SYNE3: variants seen among roughly 807,000 people sequenced by gnomAD.
The protein encoded by SYNE3 is nesprin-3.
A neutral mutation model predicts 111.2 loss-of-function variants in SYNE3; 100 were observed. That is an observed-to-expected ratio of 0.90 (90% confidence interval 0.77 to 1.06). The LOEUF (loss-of-function observed/expected upper bound fraction) is 1.06, where lower values mean the gene tolerates loss of function less well. SYNE3 is among the 50% of genes least tolerant of loss of function. The pLI is 0.00. For synonymous variants in SYNE3, 547 were observed against 533.9 expected (o/e 1.02, Z -0.34); for missense variants, 1,160 against 1,240.3 (o/e 0.94, Z 0.97).
intron 15 of SYNE3, 121 bp from the exon 16 acceptor site, chr14:95,433,530 A>G: frequency 1.4e-6 from 2 of 1,381,860 alleles, no homozygotes; most frequent in South Asian, 2.8e-5. Flanking sequence ...GGAGGCAGAC[A>G]GAATCCATAA....
intron 1 of SYNE3, among the ~76,000 whole-genome samples, chr14:95,488,028 T>C (rs868564910): frequency 6.6e-6 from 1 of 152,240 alleles, no homozygotes; most frequent in African/African-American, 2.4e-5. Context: ...CTCTTTCTTA[T>C]GATTTTCTTA....
At chr14:95,443,323 T>G (rs555730169) in intron 10 of SYNE3, 34 bp from the exon 11 acceptor site, 1 of 1,612,794 alleles carries the variant, frequency 6.2e-7, no homozygotes, top group South Asian at 1.1e-5. Context: ...AGGCTAATCT[T>G]CCCACCTCTC....
intron 1 of SYNE3, among the ~76,000 whole-genome samples, chr14:95,495,538 C>G (rs1428562806): frequency 1.3e-5 from 2 of 152,234 alleles, no homozygotes; most frequent in African/African-American, 4.8e-5. Flanking sequence ...AGGCACTGGG[C>G]AGACACCATG....
At chr14:95,469,637 G>A (rs1888403022) in intron 2 of SYNE3, among the ~76,000 whole-genome samples, 2 of 152,016 alleles carry the variant, frequency 1.3e-5, no homozygotes, top group Admixed American at 1.3e-4. Context: ...CTTGAGCTTG[G>A]GAGGTCGAGG....
chr14:95,444,047 G>C, intron 10 of SYNE3: 1 of 181,008 alleles, frequency 5.5e-6, no homozygotes. Context: ...GAGAACTATT[G>C]TATCACGCGC....
At position 95,408,093 on chromosome 14, in the gene SYNE3, G is replaced by A. The variant is rs1047632020; in HGVS notation, c.*9733C>T. 1 of 152,128 alleles carries A rather than the reference G, an allele frequency of 6.6e-6. No individual in the cohort carries two copies. The highest frequency in any genetic ancestry group is 1.5e-5 in the Non-Finnish European group (1 of 68,050). 9.4% of individuals were successfully genotyped at this position (152,128 alleles called of 1,614,324 possible). ...CATCCTTGTTCACAATCTCAGGGGT[G>A]GAGGTCATGAGCAGGCCAAACTCAC... is the stretch of plus-strand genomic sequence containing the variant. On this transcript the variant is annotated 3_prime_UTR_variant, in exon 18 of 18. Transcript: ENST00000682763.
At chr14:95,462,688 C>T (rs1887907624) in intron 4 of SYNE3, among the ~76,000 whole-genome samples, 1 of 152,212 alleles carries the variant, frequency 6.6e-6, no homozygotes, top group Non-Finnish European at 1.5e-5. Context: ...TTCACTGTCC[C>T]AGCCTGACCA....
intron 1 of SYNE3, among the ~76,000 whole-genome samples, chr14:95,504,819 TAAAAA>T (rs869048171): frequency 1.7e-5 from 2 of 116,752 alleles, no homozygotes; most frequent in Non-Finnish European, 3.6e-5. Flanking sequence ...CACCTCTATC[TAAAAA>T]AAAAGAAAAA....
At chr14:95,480,360 T>C (rs1384578212) in intron 1 of SYNE3, among the ~76,000 whole-genome samples, 2 of 152,136 alleles carry the variant, frequency 1.3e-5, no homozygotes, top group African/African-American at 4.8e-5. Flanking sequence ...TCAGCGTCCA[T>C]GTGGTTATCA....
Position 95,465,996 on chromosome 14 carries a change from TG to T in SYNE3, c.561del (p.Ser188AlafsTer10). ...CTCTTCTGGGCATCTTCGTCCACGC[TG>T]GGGTCCCCGATCCTGTTGAACAGGG... The part of the protein sequence containing the change: ...AASLFNRIGD[P>X]SVDEDAQKRM... On this transcript the variant is annotated frameshift_variant, in exon 4 of 18. Transcript: ENST00000682763. LOFTEE classifies it high-confidence loss of function. 6.2e-7 allele frequency: 1 copy of T among 1,608,924 alleles called. No homozygotes were observed.
chr14:95,481,001 A>G (rs1351410987), intron 1 of SYNE3, among the ~76,000 whole-genome samples: 1 of 149,542 alleles, frequency 6.7e-6, no homozygotes, highest in Non-Finnish European at 1.5e-5. Context: ...CCCACCCCCG[A>G]CCCCAGGCAC....
intron 8 of SYNE3, 133 bp from the exon 9 acceptor site, chr14:95,446,224 A>G (rs1028727257): frequency 1.9e-6 from 2 of 1,071,998 alleles, no homozygotes; most frequent in African/African-American, 3.2e-5. Flanking sequence ...GGAAGCAGCA[A>G]ACTCAAGTAG....
intron 17 of SYNE3, among the ~76,000 whole-genome samples, chr14:95,428,861 C>T (rs1885580628): frequency 1.3e-5 from 2 of 152,188 alleles, no homozygotes; most frequent in African/African-American, 4.8e-5. Context: ...GTAGCTGGGG[C>T]TTTCAATGAC....
chr14:95,424,719 C>T (rs1207444728), intron 17 of SYNE3, among the ~76,000 whole-genome samples: 2 of 152,172 alleles, frequency 1.3e-5, no homozygotes, highest in Non-Finnish European at 2.9e-5. Flanking sequence ...CAGGGAAACC[C>T]AAACCAAGGG....
At chr14:95,468,044 G>A (rs1159256149) in intron 2 of SYNE3, 77 bp from the exon 3 acceptor site, 1 of 1,492,296 alleles carries the variant, frequency 6.7e-7, no homozygotes, top group East Asian at 2.3e-5. Flanking sequence ...TAGTGGCATG[G>A]TGCAAAGAGC....
At chr14:95,463,421 C>T (rs914673868) in intron 4 of SYNE3, among the ~76,000 whole-genome samples, 2 of 152,226 alleles carry the variant, frequency 1.3e-5, no homozygotes, top group Non-Finnish European at 2.9e-5. Flanking sequence ...AACATGCACA[C>T]ACACCCATGC....
At chr14:95,424,359 T>C (rs908127972) in intron 17 of SYNE3, among the ~76,000 whole-genome samples, 3 of 150,758 alleles carry the variant, frequency 2.0e-5, no homozygotes, top group Non-Finnish European at 4.4e-5. Flanking sequence ...ACCCATGAGA[T>C]AGTGTGCAAA....
rs1043252961 is a variant in SYNE3, at chr14:95,407,429, G to C, written c.*10397C>G. The C allele has an allele frequency of 6.6e-6, 1 of 152,110 alleles. No individual in the cohort carries two copies. The highest frequency in any genetic ancestry group is 1.5e-5 in the Non-Finnish European group (1 of 68,024). 9.4% of individuals were successfully genotyped at this position (152,110 alleles called of 1,614,324 possible). On this transcript the variant is annotated 3_prime_UTR_variant, in exon 18 of 18. Transcript: ENST00000682763. ...AACGTCAATGCAACTTTAAAATATA[G>C]CACTAAGAAGAAACTCCGGGGTCCT...
In SYNE3 at chr14:95,466,291, T is replaced by A. The variant is rs4900270; in HGVS notation, c.318-51A>T. ...GTGAGGGAACCAGCCACCTGCCTCC[T>A]GGGTCGGGGGTCTGTGCTGTCACCC... On this transcript the variant is annotated intron_variant, in intron 3 of 17. Transcript: ENST00000682763. 3.3e-6 allele frequency: 5 copies of A among 1,519,550 alleles called. No individual in the cohort carries two copies. In the African/African-American group the frequency reaches 6.8e-5, roughly 21 times the overall value. The allele number at this position is 1,519,550 out of a possible 1,614,324, so 94.1% of individuals were successfully genotyped here.
Sources: allele counts gnomAD v4.1 joint callset (sites outside exome capture counted in the v4.1 genomes callset), GRCh38; gene constraint gnomAD v4.1.1; transcripts MANE v1.5; gene names NCBI Gene and HGNC (gene_info 2026-07-23, HGNC 2026-07-21).